KCNB2: variants seen among roughly 807,000 people sequenced by gnomAD.
The protein encoded by KCNB2 is potassium voltage-gated channel subfamily B member 2, also known as delayed rectifier potassium channel protein.
Under a neutral mutation model 61.5 loss-of-function variants are expected in KCNB2, and 15 were observed. The observed-to-expected ratio is 0.24, with a 90% CI of 0.16 to 0.38. The LOEUF (loss-of-function observed/expected upper bound fraction) is 0.38, where lower values mean the gene tolerates loss of function less well. Ranked by LOEUF, KCNB2 falls within the 10% of genes least tolerant of loss-of-function variation. The pLI is 1.00. For synonymous variants in KCNB2, 457 were observed against 446.0 expected, an observed-to-expected ratio of 1.02 and a Z score of -0.31; for missense variants, 828 against 1,125.2, an observed-to-expected ratio of 0.74 and a Z score of 3.78.
chr8:72,677,113 A>G (rs886898977), intron 2 of KCNB2, among the ~76,000 whole-genome samples: 1 of 152,198 alleles, frequency 6.6e-6, no homozygotes, highest in Non-Finnish European at 1.5e-5. Context: ...ACAGACGTAC[A>G]CATGGAGAAC....
In KCNB2 at chr8:72,654,601, A is replaced by G. The variant is rs111978319; in HGVS notation, c.579+86288A>G. ...GTCTAAACAATAAAATGATAGGTAC[A>G]TGGGTTTTCTTAAAAAATTTAGATT... On this transcript the variant is annotated intron_variant, in intron 2 of 2. Transcript: ENST00000523207. 1.0e-3 allele frequency among the ~76,000 whole-genome samples: 153 copies of G among 152,300 alleles called. 1 individual carries two copies. The highest frequency in any genetic ancestry group is 3.7e-3 in the African/African-American group (153 of 41,572).
At chr8:72,890,437 T>C (rs889553856) in intron 2 of KCNB2, among the ~76,000 whole-genome samples, 2 of 152,150 alleles carry the variant, frequency 1.3e-5, no homozygotes, top group Non-Finnish European at 2.9e-5. Flanking sequence ...TAGAGGCTTA[T>C]ACTATGCCGT....
intron 2 of KCNB2, among the ~76,000 whole-genome samples, chr8:72,663,766 C>T (rs549694706): frequency 3.3e-5 from 5 of 152,028 alleles, no homozygotes; most frequent in Admixed American, 6.5e-5. Flanking sequence ...AAAGGTAGGA[C>T]AATCAAAAAG....
intron 2 of KCNB2, among the ~76,000 whole-genome samples, chr8:72,817,150 A>AG (rs1445228751): frequency 6.6e-6 from 1 of 152,178 alleles, no homozygotes; most frequent in East Asian, 1.9e-4. Context: ...AATACTTTAA[A>AG]GGGTTTTGAA....
chr8:72,772,464 G>A (rs1370337005), intron 2 of KCNB2, among the ~76,000 whole-genome samples: 1 of 152,164 alleles, frequency 6.6e-6, no homozygotes, highest in East Asian at 1.9e-4. Context: ...TGGGTTAAGG[G>A]GGTAGCTCCC....
chr8:72,896,673 A>G (rs993762160), intron 2 of KCNB2, among the ~76,000 whole-genome samples: 1 of 152,142 alleles, frequency 6.6e-6, no homozygotes, highest in African/African-American at 2.4e-5. Flanking sequence ...TCAATGATCC[A>G]GAAGATATTT....
chr8:72,836,914 TAACA>T (rs1278260300), intron 2 of KCNB2, among the ~76,000 whole-genome samples: 3 of 152,082 alleles, frequency 2.0e-5, no homozygotes, highest in Non-Finnish European at 2.9e-5. Flanking sequence ...TGTCTCAAAA[TAACA>T]AACAAACAAA....
chr8:72,784,897 G>GA (rs1808822685), intron 2 of KCNB2, among the ~76,000 whole-genome samples: 1 of 152,078 alleles, frequency 6.6e-6, no homozygotes, highest in African/African-American at 2.4e-5. Context: ...AAAGTTTGTT[G>GA]AAGGAGAAAG....
intron 2 of KCNB2, among the ~76,000 whole-genome samples, chr8:72,794,458 G>A (rs1417807826): frequency 1.3e-5 from 2 of 151,564 alleles, no homozygotes; most frequent in East Asian, 1.9e-4. Context: ...CCAGCTACTT[G>A]GGAGGGTGAG....
intron 2 of KCNB2, among the ~76,000 whole-genome samples, chr8:72,678,149 G>T (rs572145012): frequency 1.1e-3 from 163 of 152,236 alleles, no homozygotes; most frequent in Middle Eastern, 3.4e-3. Context: ...GATTATATGA[G>T]AAAATAACAT....
intron 1 of KCNB2, among the ~76,000 whole-genome samples, chr8:72,551,542 T>G (rs1247668697): frequency 6.6e-6 from 1 of 152,150 alleles, no homozygotes; most frequent in Non-Finnish European, 1.5e-5. Context: ...GCATAGTTAC[T>G]TGGGATGCTC....
At chr8:72,863,141 TA>T (rs1805448074) in intron 2 of KCNB2, among the ~76,000 whole-genome samples, 1 of 152,216 alleles carries the variant, frequency 6.6e-6, no homozygotes, top group Middle Eastern at 3.2e-3. Flanking sequence ...TTCTGCCTAG[TA>T]GGGAAGATCT....
intron 2 of KCNB2, among the ~76,000 whole-genome samples, chr8:72,721,623 C>G (rs1807550898): frequency 6.6e-6 from 1 of 152,204 alleles, no homozygotes; most frequent in South Asian, 2.1e-4. Context: ...CAGGACTCTA[C>G]AGTTAACTCT....
chr8:72,633,488 G>A (rs1035710404), intron 2 of KCNB2, among the ~76,000 whole-genome samples: 1 of 152,082 alleles, frequency 6.6e-6, no homozygotes, highest in African/African-American at 2.4e-5. Flanking sequence ...TTCAGATTCC[G>A]GGAATTAGGG....
intron 2 of KCNB2, among the ~76,000 whole-genome samples, chr8:72,729,480 A>G (rs192718728): frequency 3.2e-4 from 48 of 152,330 alleles, no homozygotes; most frequent in African/African-American, 1.1e-3. Flanking sequence ...TTCACTTGAT[A>G]TCAGTATATT....
At chr8:72,915,244 G>T (rs1585972758) in intron 2 of KCNB2, among the ~76,000 whole-genome samples, 1 of 152,038 alleles carries the variant, frequency 6.6e-6, no homozygotes, top group Non-Finnish European at 1.5e-5. Flanking sequence ...AAAACAATAG[G>T]AAGAAGCTGC....
intron 2 of KCNB2, among the ~76,000 whole-genome samples, chr8:72,763,272 C>T (rs1490098337): frequency 6.6e-6 from 1 of 152,002 alleles, no homozygotes; most frequent in Non-Finnish European, 1.5e-5. Context: ...GTGCAGATTC[C>T]TAGGCCCAAC....
At chr8:72,748,304 C>G (rs895544886) in intron 2 of KCNB2, among the ~76,000 whole-genome samples, 1 of 152,090 alleles carries the variant, frequency 6.6e-6, no homozygotes, top group Non-Finnish European at 1.5e-5. Context: ...GTAAATGTAG[C>G]CTCTAAGATG....
chr8:72,550,667 CTT>C (rs1206650715), intron 1 of KCNB2, among the ~76,000 whole-genome samples: 4 of 152,150 alleles, frequency 2.6e-5, no homozygotes, highest in Non-Finnish European at 2.9e-5. Flanking sequence ...GACTCCAGGT[CTT>C]AAGCTATGTG....
Sources: allele counts gnomAD v4.1 joint callset (sites outside exome capture counted in the v4.1 genomes callset), GRCh38; gene constraint gnomAD v4.1.1; transcripts MANE v1.5; gene names NCBI Gene and HGNC (gene_info 2026-07-23, HGNC 2026-07-21).